Variants in EPB41L4B observed in about 807,000 individuals in gnomAD.
EPB41L4B encodes erythrocyte membrane protein band 4.1 like 4B.
A neutral mutation model predicts 112.5 loss-of-function variants in EPB41L4B; 30 were observed. That is an observed-to-expected ratio of 0.27 (90% CI 0.20 to 0.36). EPB41L4B has a LOEUF of 0.36. EPB41L4B is among the 10% of genes least tolerant of loss of function. The pLI is 1.00. For missense variants in EPB41L4B, 1,024 were observed against 1,133.3 expected (o/e 0.90, Z 1.38); for synonymous variants, 408 against 439.7 (o/e 0.93, Z 0.90).
chr9:109,263,970 C>G (rs940489309), intron 5 of EPB41L4B, among the ~76,000 whole-genome samples: 6 of 151,988 alleles, frequency 3.9e-5, no homozygotes, highest in African/African-American at 1.5e-4. Context: ...TAATATTTTT[C>G]CAAACCGAAG....
chr9:109,196,082 G>A (rs1832630564), intron 20 of EPB41L4B: 1 of 151,542 alleles, frequency 6.6e-6, no homozygotes, highest in African/African-American at 2.4e-5. Flanking sequence ...ATGAACCCTG[G>A]TTATTTTTGA....
chr9:109,295,866 G>GA (rs949744699), intron 1 of EPB41L4B, among the ~76,000 whole-genome samples: 3 of 150,650 alleles, frequency 2.0e-5, no homozygotes, highest in African/African-American at 4.9e-5. Context: ...GGCAAATCAG[G>GA]AAAAAAACCC....
At chr9:109,299,479 T>C (rs1222767418) in intron 1 of EPB41L4B, among the ~76,000 whole-genome samples, 1 of 151,900 alleles carries the variant, frequency 6.6e-6, no homozygotes, top group Non-Finnish European at 1.5e-5. Context: ...GGGGCGGGTC[T>C]TGCTATGTTG....
At chr9:109,307,015 GT>G (rs534923556) in intron 1 of EPB41L4B, among the ~76,000 whole-genome samples, 332 of 124,494 alleles carry the variant, frequency 2.7e-3, no homozygotes, top group African/African-American at 5.5e-3. Context: ...TGCTGCAGTT[GT>G]TTTTTTTTTT....
At chr9:109,282,866 A>G (rs2119147408) in intron 1 of EPB41L4B, among the ~76,000 whole-genome samples, 1 of 152,048 alleles carries the variant, frequency 6.6e-6, no homozygotes, top group Non-Finnish European at 1.5e-5. Flanking sequence ...TATTTTTAGT[A>G]GAGACAGGGT....
intron 6 of EPB41L4B, among the ~76,000 whole-genome samples, chr9:109,260,742 CATT>C (rs1835171365): frequency 1.3e-5 from 2 of 152,152 alleles, no homozygotes; most frequent in African/African-American, 2.4e-5. Flanking sequence ...ATCACACTGA[CATT>C]ATGATTTCAG....
At chr9:109,281,755 C>T (rs999754260) in intron 1 of EPB41L4B, among the ~76,000 whole-genome samples, 2 of 151,364 alleles carry the variant, frequency 1.3e-5, no homozygotes, top group African/African-American at 4.9e-5. Context: ...AAGATCATAA[C>T]AAATGTTGGA....
At chr9:109,223,878 G>C (rs552103587) in intron 15 of EPB41L4B, among the ~76,000 whole-genome samples, 1 of 152,084 alleles carries the variant, frequency 6.6e-6, no homozygotes, top group Non-Finnish European at 1.5e-5. Flanking sequence ...AATTAGCCAG[G>C]TGTGGTGGTG....
At chr9:109,309,913 A>G (rs976712663) in intron 1 of EPB41L4B, among the ~76,000 whole-genome samples, 1 of 152,208 alleles carries the variant, frequency 6.6e-6, no homozygotes, top group Non-Finnish European at 1.5e-5. Flanking sequence ...CAAGTGTTGG[A>G]GAAGAATGGA....
intron 15 of EPB41L4B, among the ~76,000 whole-genome samples, chr9:109,225,518 C>T (rs1473297823): frequency 1.3e-5 from 2 of 152,152 alleles, no homozygotes; most frequent in Non-Finnish European, 2.9e-5. Context: ...CTTATAAAAC[C>T]ATCGAATCTC....
At chr9:109,248,441 CAG>C (rs1834642728) in intron 13 of EPB41L4B, among the ~76,000 whole-genome samples, 1 of 152,220 alleles carries the variant, frequency 6.6e-6, no homozygotes, top group African/African-American at 2.4e-5. Flanking sequence ...AGTTGCCTAA[CAG>C]AGAGTTGGGA....
chr9:109,211,622 G>GTAA (rs1370833480), intron 17 of EPB41L4B, among the ~76,000 whole-genome samples: 1 of 150,420 alleles, frequency 6.6e-6, no homozygotes, highest in African/African-American at 2.4e-5. Context: ...AAAGTGTGAA[G>GTAA]TAATATATTT....
At chr9:109,306,248 G>C (rs1026738032) in intron 1 of EPB41L4B, among the ~76,000 whole-genome samples, 4 of 152,180 alleles carry the variant, frequency 2.6e-5, no homozygotes, top group African/African-American at 9.7e-5. Flanking sequence ...CCACACAAAA[G>C]GAAGGGAAGG....
At chr9:109,238,602 G>C (rs1356915828) in intron 15 of EPB41L4B, among the ~76,000 whole-genome samples, 2 of 152,104 alleles carry the variant, frequency 1.3e-5, no homozygotes, top group African/African-American at 4.8e-5. Flanking sequence ...CAGGTTTCAG[G>C]ATGAGATAAA....
At chr9:109,279,363 C>T (rs1835950443) in intron 2 of EPB41L4B, among the ~76,000 whole-genome samples, 2 of 152,176 alleles carry the variant, frequency 1.3e-5, no homozygotes, top group South Asian at 4.2e-4. Context: ...ACTTCAGGCA[C>T]ATGCCACCAT....
chr9:109,276,202 C>A (rs1028928967), intron 2 of EPB41L4B, among the ~76,000 whole-genome samples: 2 of 124,810 alleles, frequency 1.6e-5, no homozygotes, highest in Admixed American at 8.0e-5. Flanking sequence ...CACACACACA[C>A]AAATAACAAA....
intron 20 of EPB41L4B, among the ~76,000 whole-genome samples, chr9:109,197,355 G>A (rs1324512518): frequency 2.0e-5 from 3 of 152,154 alleles, no homozygotes; most frequent in South Asian, 2.1e-4. Context: ...CCTAGGGGGC[G>A]GAGGCTGCAG....
chr9:109,247,697 T>C, intron 14 of EPB41L4B, 59 bp downstream of exon 14: 1 of 1,241,534 alleles, frequency 8.1e-7, no homozygotes, highest in South Asian at 2.1e-5. Flanking sequence ...AACCTTTTTT[T>C]AAATTTTATT....
intron 24 of EPB41L4B, among the ~76,000 whole-genome samples, chr9:109,178,411 T>C (rs1254942654): frequency 6.6e-6 from 1 of 151,666 alleles, no homozygotes; most frequent in Non-Finnish European, 1.5e-5. Flanking sequence ...AGTTGGAGTT[T>C]TGCTCTGTTG....
Sources: gnomAD v4.1 joint callset for allele counts (sites outside exome capture counted in the v4.1 genomes callset) on GRCh38, gnomAD v4.1.1 for gene constraint, MANE v1.5 for transcripts, NCBI Gene and HGNC (gene_info 2026-07-23, HGNC 2026-07-21) for gene names.